Variants in ASAH2 observed in about 807,000 individuals in gnomAD.
The protein encoded by ASAH2 is N-acylsphingosine amidohydrolase 2.
ASAH2 carries 58 observed loss-of-function variants against 82.9 expected under a neutral mutation model. That is an observed-to-expected ratio of 0.70 (90% CI 0.57 to 0.87). The LOEUF is 0.87. Among genes scored for constraint, ASAH2 ranks in the 40% least tolerant of loss-of-function variants. ASAH2 has a pLI of 0.00. For synonymous variants in ASAH2, 276 were observed against 289.7 expected, an observed-to-expected ratio of 0.95 and a Z score of 0.48; for missense variants, 779 against 834.0, an observed-to-expected ratio of 0.93 and a Z score of 0.81.
chr10:50,198,849 T>G (rs1280702486), intron 17 of ASAH2, among the ~76,000 whole-genome samples: 36,386 of 150,646 alleles, frequency 0.24, 5,969 homozygotes, highest in African/African-American at 0.45. Context: ...AATTTGGAAA[T>G]AAATTTTATT....
rs771104552 is a variant in ASAH2 at position 50,245,245 on chromosome 10, C to T, written c.337G>A (p.Gly113Arg). The T allele has an allele frequency of 4.7e-5, 76 of 1,613,874 alleles. No homozygotes were observed. Among genetic ancestry groups the T allele is most frequent in the Admixed American group, 2.0e-4 (12 of 59,994 alleles). The change falls in exon 3 of 21, where the codon GGA becomes AGA. Residue 113 changes from glycine (G) to arginine (R), a missense_variant. Physicochemically the swap from Gly to Arg is moderately radical, Grantham distance 125. This residue lies in a region of ASAH2 where 759 missense variants were observed against 755.2 expected (regional missense o/e 1.00). Transcript: ENST00000682911. ...GCCAAATTGATATCTGCTACTTGTC[C>T]TGTGCAGTCAGCTCGTCCAACACCA... ...HIGVGRADCT[G>R]QVADINLMGY...
At chr10:50,234,145 A>G (rs988410932) in intron 6 of ASAH2, among the ~76,000 whole-genome samples, 11 of 152,098 alleles carry the variant, frequency 7.2e-5, no homozygotes, top group Non-Finnish European at 1.0e-4. Context: ...CTAAGCTGAG[A>G]CCACAGTTGT....
chr10:50,239,115 A>T (rs917183313), intron 4 of ASAH2, among the ~76,000 whole-genome samples: 3 of 152,120 alleles, frequency 2.0e-5, no homozygotes, highest in African/African-American at 7.2e-5. Context: ...ACACAGAAAA[A>T]CCTAGAAAGT....
chr10:50,203,510 T>C, intron 15 of ASAH2, 130 bp downstream of exon 15: 2 of 850,538 alleles, frequency 2.4e-6, no homozygotes, highest in Non-Finnish European at 4.1e-6. Flanking sequence ...ATACTACCAA[T>C]ATTTCATATT....
chr10:50,203,938 CATT>C (rs1219746057), intron 14 of ASAH2, among the ~76,000 whole-genome samples: 1 of 151,912 alleles, frequency 6.6e-6, no homozygotes, highest in Admixed American at 6.6e-5. Context: ...CAAAAATCAT[CATT>C]ATTTTCCATT....
intron 18 of ASAH2, among the ~76,000 whole-genome samples, chr10:50,195,142 A>G (rs1403730734): frequency 6.6e-6 from 1 of 151,616 alleles, no homozygotes; most frequent in East Asian, 1.9e-4. Flanking sequence ...CAAACTATGC[A>G]TCCAATAAAG....
intron 4 of ASAH2, among the ~76,000 whole-genome samples, chr10:50,239,360 C>T (rs1029893902): frequency 1.2e-4 from 19 of 152,168 alleles, no homozygotes; most frequent in Middle Eastern, 3.4e-3. Flanking sequence ...TCAGATTGCA[C>T]GGAGATGTAA....
chr10:50,196,449 T>C (rs1356517585), intron 18 of ASAH2, among the ~76,000 whole-genome samples: 33 of 147,922 alleles, frequency 2.2e-4, no homozygotes, highest in Admixed American at 4.1e-4. Flanking sequence ...TGATATAAAA[T>C]AGTAATGGTA....
At position 50,202,867 on chromosome 10, in the gene ASAH2, C is replaced by T. The variant is rs1845191176; in HGVS notation, c.1723G>A (p.Val575Ile). ...TAAGTGGTAATGTAATGTGTATAGA[C>T]GTTGCATAGACCTGAAATAACAACA... is the stretch of plus-strand genomic sequence containing the variant. The part of the protein sequence containing the change: ...MTVVISGLCN[V>I]YTHYITTYEE... The change falls in exon 16 of 21, where the codon GTC (valine) becomes ATC (isoleucine). Residue 575 changes from valine to isoleucine, a missense_variant. By Grantham distance (29) the Val-to-Ile change is conservative. Coordinates refer to ENST00000682911, the MANE Select transcript of ASAH2 (RefSeq NM_019893.4). The T allele has an allele frequency of 1.8e-5, 29 of 1,611,684 alleles. No individual in the cohort carries two copies. Among genetic ancestry groups the T allele is most frequent in the East Asian group, 4.5e-5 (2 of 44,770 alleles).
intron 4 of ASAH2, among the ~76,000 whole-genome samples, chr10:50,236,369 C>T (rs2133226717): frequency 6.6e-6 from 1 of 152,102 alleles, no homozygotes; most frequent in South Asian, 2.1e-4. Flanking sequence ...GGGGGAAAGC[C>T]CCTTATAAAA....
At chr10:50,237,538 GT>G (rs1409994606) in intron 4 of ASAH2, among the ~76,000 whole-genome samples, 3 of 152,158 alleles carry the variant, frequency 2.0e-5, no homozygotes, top group Non-Finnish European at 2.9e-5. Flanking sequence ...TATTATTGTT[GT>G]TTTAAGCCAC....
intron 18 of ASAH2, 40 bp downstream of exon 18, chr10:50,196,733 A>AT (rs1323242061): frequency 0.011 from 16,776 of 1,479,284 alleles, 27 homozygotes; most frequent in East Asian, 0.051. Flanking sequence ...CCCCCAAAAC[A>AT]TCCCTCTAAA....
At chr10:50,194,986 T>C (rs1239501332) in intron 18 of ASAH2, among the ~76,000 whole-genome samples, 4 of 141,634 alleles carry the variant, frequency 2.8e-5, no homozygotes, top group African/African-American at 1.0e-4. Context: ...GTAGGCGATG[T>C]TTTTTTTTTT....
chr10:50,226,875 G>A lies in ASAH2; in HGVS notation c.893+6309C>T, dbSNP rs912858160. On this transcript the variant is annotated intron_variant, in intron 7 of 20. Coordinates refer to ENST00000682911, the MANE Select transcript of ASAH2 (RefSeq NM_019893.4). The stretch of plus-strand genomic sequence containing the variant: ...TCCACCTTTTAATGGAGAGTGGCAA[G>A]GTCACTTTGGATAAAACATGGAATA... 6.0e-4 allele frequency among the ~76,000 whole-genome samples: 92 copies of A among 152,198 alleles called. No individual in the cohort carries two copies. In the Middle Eastern group the frequency reaches 0.01, roughly 17 times the overall value.
chr10:50,203,798 T>C lies in ASAH2; in HGVS notation c.1626-119A>G, dbSNP rs913311200. 822 of 833,978 alleles carry C rather than the reference T, an allele frequency of 9.9e-4. 9 individuals carry two copies. In the East Asian group the frequency reaches 0.018, roughly 18 times the overall value. 51.7% of individuals were successfully genotyped at this position (833,978 alleles called of 1,614,324 possible). A position where few individuals can be genotyped will look rare whatever the true frequency, so the allele number is the denominator to read the frequency against. ...GCTCATCACACAATAGTAAAATATG[T>C]AGGAACCCAATGACTATGAAAAGCT... On this transcript the variant is annotated intron_variant, in intron 14 of 20. Transcript: ENST00000682911.
At chr10:50,221,362 C>A (rs1845739081) in intron 7 of ASAH2, among the ~76,000 whole-genome samples, 2 of 152,178 alleles carry the variant, frequency 1.3e-5, no homozygotes, top group Non-Finnish European at 2.9e-5. Context: ...TACCATCACA[C>A]TGAGGTCAGC....
Position 50,187,116 on chromosome 10 carries a change from T to TCA in ASAH2, c.*198_*199insTG, listed in dbSNP as rs1259270165. 637 of 229,316 alleles carry TCA rather than the reference T, an allele frequency of 2.8e-3. No individual in the cohort carries two copies. Among genetic ancestry groups the TCA allele is most frequent in the Admixed American group, 7.0e-3 (81 of 11,512 alleles). 14.2% of individuals were successfully genotyped at this position (229,316 alleles called of 1,614,324 possible). ...CTCTCTCTCTCTCTCTCTCTCTCTC[T>TCA]CTCACACACACACACACACACACAC... On this transcript the variant is annotated 3_prime_UTR_variant, in exon 21 of 21. Transcript: ENST00000682911.
chr10:50,235,497 G>T (rs1846135418), intron 5 of ASAH2, among the ~76,000 whole-genome samples: 1 of 151,980 alleles, frequency 6.6e-6, no homozygotes, highest in South Asian at 2.1e-4. Context: ...GATTCTCTTT[G>T]TACTTTGGGA....
chr10:50,203,736 C>T, intron 14 of ASAH2, 57 bp from the exon 15 acceptor site: 1 of 1,513,888 alleles, frequency 6.6e-7, no homozygotes. Flanking sequence ...GCAGAGTACA[C>T]AGAAACACTG....
Sources: allele counts gnomAD v4.1 joint callset (sites outside exome capture counted in the v4.1 genomes callset), GRCh38; gene constraint gnomAD v4.1.1; regional missense constraint gnomAD v4.1.1; transcripts MANE v1.5; gene names NCBI Gene and HGNC (gene_info 2026-07-23, HGNC 2026-07-21).